Variants in COL20A1 observed in about 807,000 individuals in gnomAD.
The protein encoded by COL20A1 is collagen alpha-1(XX) chain.
Under a neutral mutation model 152.9 loss-of-function variants are expected in COL20A1, and 164 were observed. That is an observed-to-expected ratio of 1.07 (90% confidence interval 0.94 to 1.22). The LOEUF (loss-of-function observed/expected upper bound fraction) is 1.22, where lower values mean the gene tolerates loss of function less well. COL20A1 is among the 50% of genes most tolerant of loss of function. The pLI is 0.00. For synonymous variants in COL20A1, 864 were observed against 756.0 expected (o/e 1.14, Z -2.34); for missense variants, 1,873 against 1,744.8 (o/e 1.07, Z -1.31).
At chr20:63,299,507 T>C (rs566554022) in intron 3 of COL20A1, among the ~76,000 whole-genome samples, 90 of 152,258 alleles carry the variant, frequency 5.9e-4, no homozygotes, top group Middle Eastern at 3.4e-3. Context: ...GGTCTGTGAT[T>C]TGTATTTATC....
chr20:63,307,935 G>A, intron 6 of COL20A1, 36 bp from the exon 7 acceptor site: 1 of 1,607,830 alleles, frequency 6.2e-7, no homozygotes, highest in South Asian at 1.1e-5. Flanking sequence ...TCTCAGCATT[G>A]GAAACTCAGC....
In COL20A1 at chr20:63,308,601, G is replaced by T; in HGVS notation, c.835G>T (p.Glu279Ter). The change falls in exon 8 of 36, where the codon GAG (glutamate) becomes TAG (stop). Residue 279 changes from glutamate to a stop codon, truncating the protein, a stop_gained. Coordinates refer to ENST00000358894, the MANE Select transcript of COL20A1 (RefSeq NM_020882.4). LOFTEE classifies it high-confidence loss of function. ...GCAGCCGGCGGCTGGCCTCCGTCCA[G>T]AGGCAGCCAAGGTGGTGATTCTGGT... is the stretch of plus-strand genomic sequence containing the variant. ...NLQPAAGLRP[E>*]AAKVVILVTD... 1 of 1,605,816 alleles carries T rather than the reference G, an allele frequency of 6.2e-7. No individual in the cohort carries two copies. The highest frequency in any genetic ancestry group is 1.1e-5 in the South Asian group (1 of 89,786).
At chr20:63,314,803 G>C (rs1203952359) in intron 19 of COL20A1, among the ~76,000 whole-genome samples, 1 of 151,462 alleles carries the variant, frequency 6.6e-6, no homozygotes, top group African/African-American at 2.4e-5. Context: ...GCATCTCCCT[G>C]GCCCCCAGGA....
rs1212639421 is a variant in COL20A1 at position 63,326,074 on chromosome 20, T to A, written c.3403-22T>A. On this transcript the variant is annotated intron_variant, in intron 29 of 35. Transcript: ENST00000358894. ...GGTACAGGTACAAACCCCACCCAGC[T>A]TGCGCCTTCCTTTGCCATCAGGGAA... The A allele has an allele frequency of 1.2e-6, 2 of 1,611,320 alleles. 1 individual carries two copies. The highest frequency in any genetic ancestry group is 4.5e-5 in the East Asian group (2 of 44,862).
rs2068133086 is a variant in COL20A1, at chr20:63,319,666, T to C, written c.2916+70T>C. On this transcript the variant is annotated intron_variant, in intron 23 of 35. Coordinates refer to ENST00000358894, the MANE Select transcript of COL20A1 (RefSeq NM_020882.4). This position sits in a 1 kb window ranked among gnomAD's most constrained non-coding sequence, Gnocchi z 4.4. ...GGGGCAGCCCAGCCCCACAGGGACC[T>C]GCCGGATGCCAACTCCTCTCCCTAG... 1 of 1,054,936 alleles carries C rather than the reference T, an allele frequency of 9.5e-7. No homozygotes were observed. The highest frequency in any genetic ancestry group is 1.4e-5 in the South Asian group (1 of 71,200). The allele number at this position is 1,054,936 out of a possible 1,614,324, so 65.3% of individuals were successfully genotyped here. A position where few individuals can be genotyped will look rare whatever the true frequency, so the allele number is the denominator to read the frequency against.
chr20:63,326,712 T>G, intron 30 of COL20A1, 40 bp from the exon 31 acceptor site: 1 of 1,346,206 alleles, frequency 7.4e-7, no homozygotes, highest in Middle Eastern at 1.9e-4. Flanking sequence ...GCAGATTTGC[T>G]GGGGGCCCAA....
In COL20A1 at chr20:63,319,491, G is replaced by C; in HGVS notation, c.2811G>C (p.Gly937=). The C allele has an allele frequency of 1.3e-6, 2 of 1,574,500 alleles. No individual in the cohort carries two copies. The highest frequency in any genetic ancestry group is 1.7e-6 in the Non-Finnish European group (2 of 1,160,766). ...QPLLGVLLDA[G]KKSLTYFHRD... ...GCTCCACCCCTTCCCTGGCAGCCGG[G>C]AAGAAGTCCCTGACCTACTTCCACC... The change falls in exon 23 of 36, where the codon GGG becomes GGC. Residue 937 remains glycine, a synonymous_variant. Transcript: ENST00000358894. This position sits in a 1 kb window ranked among gnomAD's most constrained non-coding sequence, Gnocchi z 4.4.
chr20:63,309,772 C>G lies in COL20A1; in HGVS notation c.1120C>G (p.Leu374Val). 6 of 1,589,946 alleles carry G rather than the reference C, an allele frequency of 3.8e-6. No individual in the cohort carries two copies. Among genetic ancestry groups the G allele is most frequent in the Non-Finnish European group, 5.1e-6 (6 of 1,169,700 alleles). Residue 374 changes from leucine to valine, a missense_variant, in exon 10 of 36, where the codon CTG becomes GTG. Leu to Val is a conservative substitution (Grantham distance 32, BLOSUM62 1). Transcript: ENST00000358894. ...TACTCCAGCAGCAGCGGCTCCAGCC[C>G]TGGACACCCTCCCTGCCCCCACCAG... ...PRQGPAAAPALDTLPAPTSLV... is the reference protein window; with the variant it reads ...PRQGPAAAPAVDTLPAPTSLV...
chr20:63,320,917 C>T, intron 25 of COL20A1, 96 bp from the exon 26 acceptor site: 1 of 952,728 alleles, frequency 1.0e-6, no homozygotes, highest in Non-Finnish European at 1.6e-6. Context: ...TGGAAGTCTC[C>T]CTGGAGCCCA....
At position 63,313,158 on chromosome 20, in the gene COL20A1, C is replaced by T; in HGVS notation, c.2118C>T (p.Gly706=). 1 of 1,612,158 alleles carries T rather than the reference C, an allele frequency of 6.2e-7. No homozygotes were observed. The highest frequency in any genetic ancestry group is 1.7e-5 in the Admixed American group (1 of 59,934). ...PGNLGTAVLP[G]LGRHTEYDVT... is the part of the protein sequence containing the mutation. ...ACCTCGGCACGGCCGTCCTGCCTGG[C>T]CTAGGGAGGCACACAGAGTACGACG... Residue 706 remains glycine, a synonymous_variant, in exon 17 of 36, where the codon GGC becomes GGT. Transcript: ENST00000358894. The surrounding 1 kb of genome is among the most constrained non-coding windows in gnomAD (Gnocchi z 5.9).
Position 63,306,839 on chromosome 20 carries a change from C to T in COL20A1, c.497-651C>T, listed in dbSNP as rs2067931943. 1.3e-5 allele frequency among the ~76,000 whole-genome samples: 2 copies of T among 152,358 alleles called. No individual in the cohort carries two copies. Among genetic ancestry groups the T allele is most frequent in the East Asian group, 1.9e-4 (1 of 5,188 alleles). On this transcript the variant is annotated intron_variant, in intron 5 of 35. Transcript: ENST00000358894. The surrounding 1 kb of genome is among the most constrained non-coding windows in gnomAD (Gnocchi z 6.9). ...GTGTTCTCCTCAGACTTGGGCATAT[C>T]CCCTCCAGAGGGTCCTCGGGTCCGC...
At chr20:63,301,314 C>CA (rs1215400134) in intron 3 of COL20A1, among the ~76,000 whole-genome samples, 2 of 150,968 alleles carry the variant, frequency 1.3e-5, no homozygotes, top group Non-Finnish European at 3.0e-5. Flanking sequence ...GACTCCGTCT[C>CA]AAAAAAAAAG....
rs752366210 is a variant in COL20A1 at position 63,311,697 on chromosome 20, A to G, written c.1612A>G (p.Ser538Gly). The stretch of plus-strand genomic sequence containing the variant: ...CAGGGACTATGAGGTCTCGGTGCAG[A>G]GCCTGCGAGGCCCTGAGGGCAGCGA... ...PGRDYEVSVQ[S>G]LRGPEGSEAR... Residue 538 changes from serine (S) to glycine (G), a missense_variant, in exon 13 of 36, where the codon AGC becomes GGC. Coordinates refer to ENST00000358894, the MANE Select transcript of COL20A1 (RefSeq NM_020882.4). The surrounding 1 kb of genome is among the most constrained non-coding windows in gnomAD (Gnocchi z 4.4). 2.5e-6 allele frequency: 4 copies of G among 1,604,286 alleles called. No homozygotes were observed. The Admixed American group carries it at 6.7e-5, about 27-fold the overall frequency.
chr20:63,312,389 G>C (rs1300327953), intron 14 of COL20A1, 31 bp from the exon 15 acceptor site: 1 of 1,526,252 alleles, frequency 6.6e-7, no homozygotes, highest in Non-Finnish European at 8.8e-7. Context: ...CACCAGCTGG[G>C]CCTGCCATGT....
rs780955629 is a variant in COL20A1, at chr20:63,313,770, AC to A, written c.2239del (p.Leu747TrpfsTer50). The A allele has an allele frequency of 6.2e-7, 1 of 1,605,982 alleles. No individual in the cohort carries two copies. The highest frequency in any genetic ancestry group is 1.1e-5 in the South Asian group (1 of 90,210). Reference protein sequence around the residue: ...PSTVSRSPPSNLALASETPDS... With the variant: ...PSTVSRSPPSXLALASETPDS... The stretch of plus-strand genomic sequence containing the variant: ...ACGGTGAGCAGGAGCCCACCCTCCA[AC>A]CTGGCCCTGGCCTCGGAGACCCCCG... On this transcript the variant is annotated frameshift_variant, in exon 18 of 36. Coordinates refer to ENST00000358894, the MANE Select transcript of COL20A1 (RefSeq NM_020882.4). LOFTEE classifies it high-confidence loss of function. This position sits in a 1 kb window ranked among gnomAD's most constrained non-coding sequence, Gnocchi z 5.9.
chr20:63,299,565 G>C (rs1269105009), intron 3 of COL20A1, among the ~76,000 whole-genome samples: 1 of 152,120 alleles, frequency 6.6e-6, no homozygotes, highest in Non-Finnish European at 1.5e-5. Context: ...GTAGAGAACA[G>C]TTCTGTTACC....
At position 63,326,136 on chromosome 20, in the gene COL20A1, CCCCTGGCCCCAGGGTAGGCACCGACCT is replaced by C; in HGVS notation, c.3447_3456+17del. ...GAGGGAACTGCTGGCCTGCCTGGAC[CCCCTGGCCCCAGGGTAGGCACCGACCT>C]CCCATGACCCCGACCCCCACCCAGG... On this transcript the variant is annotated splice_donor_variant and splice_donor_5th_base_variant and coding_sequence_variant and intron_variant, in exon 30 of 36. Transcript: ENST00000358894. LOFTEE classifies it high-confidence loss of function. 6.2e-7 allele frequency: 1 copy of C among 1,612,118 alleles called. No homozygotes were observed. Among genetic ancestry groups the C allele is most frequent in the South Asian group, 1.1e-5 (1 of 91,054 alleles).
chr20:63,320,250 T>C, intron 24 of COL20A1, 41 bp from the exon 25 acceptor site: 2 of 1,605,450 alleles, frequency 1.2e-6, no homozygotes, highest in Non-Finnish European at 8.5e-7. Flanking sequence ...GCTGGCAGCC[T>C]CTCTGAGCCC....
intron 25 of COL20A1, 74 bp downstream of exon 25, chr20:63,320,442 G>A (rs571946335): frequency 1.4e-6 from 2 of 1,419,400 alleles, no homozygotes; most frequent in South Asian, 2.3e-5. Flanking sequence ...CAGTGCCTGG[G>A]GTCAGTTGGC....
Sources: gnomAD v4.1 joint callset for allele counts (sites outside exome capture counted in the v4.1 genomes callset) on GRCh38, gnomAD v4.1.1 for gene constraint, Gnocchi (gnomAD v3.1) non-coding constraint, MANE v1.5 for transcripts, NCBI Gene and HGNC (gene_info 2026-07-23, HGNC 2026-07-21) for gene names.